CATSPERB: variants seen among roughly 807,000 people sequenced by gnomAD.
CATSPERB encodes catsper channel auxiliary subunit beta, also known as cation channel sperm-associated auxiliary subunit beta.
In CATSPERB, 93 loss-of-function variants were observed where a neutral mutation model predicts 128.3. The observed-to-expected ratio is 0.72, with a 90% CI of 0.61 to 0.86. The LOEUF is 0.86. CATSPERB is among the 40% of genes least tolerant of loss of function. The probability of loss-of-function intolerance (pLI) is 0.00; values close to 1 mark genes in which losing one functional copy is unlikely to be tolerated. For missense variants in CATSPERB, 1,153 were observed against 1,329.5 expected (o/e 0.87, Z 2.06); for synonymous variants, 381 against 448.8 (o/e 0.85, Z 1.91).
chr14:91,673,380 A>G (rs113404964), intron 12 of CATSPERB, among the ~76,000 whole-genome samples: 490 of 152,260 alleles, frequency 3.2e-3, no homozygotes, highest in Non-Finnish European at 5.4e-3. Context: ...AATTTTACTC[A>G]GAGAGACAGG....
rs550806534 is a variant in CATSPERB, at chr14:91,700,035, CA to C, written c.616+4516del. Among the ~76,000 whole-genome samples, 50 of 152,054 alleles carry C rather than the reference CA, an allele frequency of 3.3e-4. 1 individual carries two copies. In the Middle Eastern group the frequency reaches 0.014, roughly 42 times the overall value. On this transcript the variant is annotated intron_variant, in intron 7 of 26. Transcript: ENST00000256343. ...TGCCATGGTGGTTTGCTGCACCCAT[CA>C]ACCCATCATTTACATTAGATATTTC...
intron 14 of CATSPERB, among the ~76,000 whole-genome samples, chr14:91,668,862 A>G (rs1319684248): frequency 1.3e-5 from 2 of 151,856 alleles, no homozygotes; most frequent in Non-Finnish European, 2.9e-5. Context: ...AAAGGGAAAA[A>G]CTCTGGACAC....
intron 21 of CATSPERB, 48 bp downstream of exon 21, chr14:91,610,432 C>T: frequency 6.6e-7 from 1 of 1,506,976 alleles, no homozygotes; most frequent in Non-Finnish European, 9.1e-7. Flanking sequence ...ACACAAAAGT[C>T]ACATAGCATT....
At chr14:91,587,378 C>T in intron 25 of CATSPERB, 102 bp from the exon 26 acceptor site, 2 of 674,160 alleles carry the variant, frequency 3.0e-6, no homozygotes, top group Non-Finnish European at 4.6e-6. Context: ...ATAGATGCTG[C>T]ATGAAAAGAT....
chr14:91,643,936 G>A (rs1894543145), intron 15 of CATSPERB, among the ~76,000 whole-genome samples: 1 of 133,916 alleles, frequency 7.5e-6, no homozygotes, highest in South Asian at 2.7e-4. Context: ...AGCTCTTCTT[G>A]TTGAATTGAT....
intron 17 of CATSPERB, among the ~76,000 whole-genome samples, chr14:91,631,747 T>C (rs1409152691): frequency 6.6e-6 from 1 of 152,124 alleles, no homozygotes; most frequent in East Asian, 1.9e-4. Context: ...ACTGTAATAT[T>C]TCTTCTGAGG....
rs767909578 is a variant in CATSPERB at position 91,610,633 on chromosome 14, C to T, written c.2445G>A (p.Glu815=). 1.2e-6 allele frequency: 2 copies of T among 1,612,422 alleles called. No homozygotes were observed. The highest frequency in any genetic ancestry group is 1.7e-5 in the Admixed American group (1 of 59,918). ...LAFIMWSAST[E]CFVTTMVPTL... ...TTGGCACCATTGTCGTAACAAAGCACTCAGTAGAGGCTGACCACATAATAA... is the reference window on the plus strand; with the variant it reads ...TTGGCACCATTGTCGTAACAAAGCATTCAGTAGAGGCTGACCACATAATAA... Residue 815 remains glutamate (E), a synonymous_variant, in exon 21 of 27, where the codon GAG becomes GAA. Transcript: ENST00000256343.
chr14:91,629,308 T>C (rs988895929), intron 17 of CATSPERB, among the ~76,000 whole-genome samples: 1 of 152,170 alleles, frequency 6.6e-6, no homozygotes, highest in African/African-American at 2.4e-5. Context: ...TATATGACAT[T>C]CTGGAAAAGG....
intron 17 of CATSPERB, among the ~76,000 whole-genome samples, chr14:91,634,366 A>G (rs891550952): frequency 6.6e-6 from 1 of 152,066 alleles, no homozygotes; most frequent in African/African-American, 2.4e-5. Context: ...GTATAAGTGG[A>G]CCTGCACAGT....
chr14:91,613,785 G>A (rs17799707), intron 20 of CATSPERB, among the ~76,000 whole-genome samples: 17,706 of 152,094 alleles, frequency 0.12, 1,120 homozygotes, highest in Non-Finnish European at 0.14. Context: ...CCAAAATCTC[G>A]CCCTAGAGTA....
chr14:91,683,915 T>C lies in CATSPERB; in HGVS notation c.893A>G (p.Tyr298Cys). 1.2e-6 allele frequency: 2 copies of C among 1,607,306 alleles called. No individual in the cohort carries two copies. Among genetic ancestry groups the C allele is most frequent in the African/African-American group, 1.3e-5 (1 of 74,680 alleles). Residue 298 changes from tyrosine to cysteine, a missense_variant, in exon 11 of 27, where the codon TAT becomes TGT. By Grantham distance (194) the Tyr-to-Cys change is radical (BLOSUM62 -2). Transcript: ENST00000256343. ...RVDYVKGKLW[Y>C]NERCFANREH... is the part of the protein sequence containing the mutation. ...TCTGTTAGCAAAACATCTTTCATTA[T>C]ACCACAGTTTTCCTTTCACATAGTC...
At chr14:91,645,791 G>C (rs1894589162) in intron 15 of CATSPERB, among the ~76,000 whole-genome samples, 1 of 148,128 alleles carries the variant, frequency 6.8e-6, no homozygotes, top group Admixed American at 6.7e-5. Flanking sequence ...GCAATGGTGG[G>C]CGCCCCTCCC....
Position 91,580,903 on chromosome 14 carries a change from T to C in CATSPERB, c.3337A>G (p.Lys1113Glu), listed in dbSNP as rs768628839. 1.9e-5 allele frequency: 30 copies of C among 1,613,902 alleles called. No individual in the cohort carries two copies. Among genetic ancestry groups the C allele is most frequent in the Non-Finnish European group, 2.4e-5 (28 of 1,179,858 alleles). ...TCACCATGTGTTCACTCTTCAGACT[T>C]TGATCTATGAATCAGCTCACTGAGA... ...ISLSELIHRS[K>E]SEE Residue 1113 changes from lysine to glutamate, a missense_variant, in exon 27 of 27, where the codon AAG becomes GAG. Lys to Glu is a moderately conservative substitution (Grantham distance 56). Transcript: ENST00000256343.
Position 91,688,237 on chromosome 14 carries a change from G to T in CATSPERB, c.864+3286C>A, listed in dbSNP as rs527513820. ...CTGGAAATAGAAATTCTGGACTTTG[G>T]TTCTTTTGTCTTAAGTAGACGGTAG... On this transcript the variant is annotated intron_variant, in intron 10 of 26. Transcript: ENST00000256343. Among the ~76,000 whole-genome samples the T allele has an allele frequency of 7.9e-5, 12 of 152,208 alleles. No individual in the cohort carries two copies. In the East Asian group the frequency reaches 1.9e-3, roughly 24 times the overall value.
rs1895354763 is a variant in CATSPERB, at chr14:91,685,327, T to A, written c.865-1384A>T. On this transcript the variant is annotated intron_variant, in intron 10 of 26. Transcript: ENST00000256343. The stretch of plus-strand genomic sequence containing the variant: ...CACCTCATTTCTAAGAGGTAGATAT[T>A]GTTATGCTCATTTTAAAATGAAGAA... Among the ~76,000 whole-genome samples, 9 of 152,304 alleles carry A rather than the reference T, an allele frequency of 5.9e-5. No individual in the cohort carries two copies. The South Asian group carries it at 1.9e-3, about 32-fold the overall frequency.
At chr14:91,595,311 T>G (rs1893485118) in intron 22 of CATSPERB, among the ~76,000 whole-genome samples, 1 of 151,490 alleles carries the variant, frequency 6.6e-6, no homozygotes, top group South Asian at 2.1e-4. Flanking sequence ...TATTTATTTA[T>G]TTATTTTTAA....
At chr14:91,635,069 C>A (rs1894348091) in intron 17 of CATSPERB, among the ~76,000 whole-genome samples, 1 of 151,818 alleles carries the variant, frequency 6.6e-6, no homozygotes, top group African/African-American at 2.4e-5. Flanking sequence ...GGTGGAAGGG[C>A]CTAGCTGGCT....
intron 22 of CATSPERB, among the ~76,000 whole-genome samples, chr14:91,599,009 G>T (rs1893561735): frequency 6.6e-6 from 1 of 152,082 alleles, no homozygotes; most frequent in South Asian, 2.1e-4. Context: ...AAAGATAACA[G>T]TCCTTTCCCA....
intron 14 of CATSPERB, among the ~76,000 whole-genome samples, chr14:91,664,179 T>C (rs1036769224): frequency 2.0e-5 from 3 of 151,998 alleles, no homozygotes; most frequent in Non-Finnish European, 4.4e-5. Context: ...CAGAATGTCA[T>C]ATATTGGAAT....
Sources: allele counts gnomAD v4.1 joint callset (sites outside exome capture counted in the v4.1 genomes callset), GRCh38; gene constraint gnomAD v4.1.1; transcripts MANE v1.5; gene names NCBI Gene and HGNC (gene_info 2026-07-23, HGNC 2026-07-21).